Variants in SNX10 observed in about 807,000 individuals in gnomAD.
SNX10 encodes the protein sorting nexin-10.
A neutral mutation model predicts 28.5 loss-of-function variants in SNX10; 25 were observed. The ratio of observed to expected loss-of-function variants is 0.88; its 90% confidence interval spans 0.64 to 1.22. SNX10 has a LOEUF of 1.22. Among genes scored for constraint, SNX10 ranks in the 50% most tolerant of loss-of-function variants. The pLI is 0.00. For missense variants in SNX10, 223 were observed against 242.6 expected, an observed-to-expected ratio of 0.92 and a Z score of 0.54; for synonymous variants, 62 against 81.4, an observed-to-expected ratio of 0.76 and a Z score of 1.28.
chr7:26,306,860 A>C (rs1175099216), intron 1 of SNX10, among the ~76,000 whole-genome samples: 1 of 152,200 alleles, frequency 6.6e-6, no homozygotes, highest in Admixed American at 6.5e-5. Flanking sequence ...TTTGATCTTT[A>C]CAGTAGATCA....
chr7:26,341,593 C>G (rs946435438), intron 1 of SNX10, among the ~76,000 whole-genome samples: 1 of 151,646 alleles, frequency 6.6e-6, no homozygotes, highest in Non-Finnish European at 1.5e-5. Context: ...TTCCTGGGTT[C>G]AAGCAGTTCT....
intron 2 of SNX10, among the ~76,000 whole-genome samples, chr7:26,347,402 T>C (rs955127917): frequency 6.6e-6 from 1 of 152,212 alleles, no homozygotes; most frequent in Non-Finnish European, 1.5e-5. Context: ...TAGACGGGCA[T>C]GGTGGCCTGT....
intron 1 of SNX10, among the ~76,000 whole-genome samples, chr7:26,334,648 G>A (rs1244336819): frequency 6.6e-6 from 1 of 152,142 alleles, no homozygotes; most frequent in Non-Finnish European, 1.5e-5. Flanking sequence ...GTATGTCATA[G>A]AGATTAGCAA....
intron 1 of SNX10, among the ~76,000 whole-genome samples, chr7:26,332,680 G>A (rs1422736161): frequency 6.6e-6 from 1 of 151,970 alleles, no homozygotes; most frequent in African/African-American, 2.4e-5. Flanking sequence ...CTGTGTTTTC[G>A]TCTATGAGTT....
Position 26,292,619 on chromosome 7 carries a change from A to G in SNX10, c.-24+533A>G, listed in dbSNP as rs34579559. The stretch of plus-strand genomic sequence containing the variant: ...ATCAGATTTGGTGACCAGGAAAGCA[A>G]CAGCCTGTTTTTCAGTTCCGATGCA... On this transcript the variant is annotated intron_variant, in intron 1 of 6. Transcript: ENST00000338523. 5.7e-3 allele frequency among the ~76,000 whole-genome samples: 868 copies of G among 152,266 alleles called. 4 individuals carry two copies. The highest frequency in any genetic ancestry group is 8.8e-3 in the Non-Finnish European group (600 of 68,014).
chr7:26,329,175 G>A (rs1787626466), intron 1 of SNX10, among the ~76,000 whole-genome samples: 1 of 152,220 alleles, frequency 6.6e-6, no homozygotes, highest in Non-Finnish European at 1.5e-5. Flanking sequence ...CAGGCCCGGT[G>A]TGACCCGGCC....
intron 1 of SNX10, among the ~76,000 whole-genome samples, chr7:26,308,446 T>C (rs1375263547): frequency 6.6e-6 from 1 of 152,200 alleles, no homozygotes; most frequent in Non-Finnish European, 1.5e-5. Flanking sequence ...ATGTCCTTTT[T>C]GTCCAATCAT....
chr7:26,335,476 T>C (rs1459078143), intron 1 of SNX10, among the ~76,000 whole-genome samples: 1 of 152,212 alleles, frequency 6.6e-6, no homozygotes, highest in African/African-American at 2.4e-5. Context: ...GCCTGTGGAC[T>C]GACTTCTTTC....
chr7:26,314,262 CA>C (rs1263635246), intron 1 of SNX10, among the ~76,000 whole-genome samples: 1 of 109,686 alleles, frequency 9.1e-6, no homozygotes, highest in African/African-American at 3.2e-5. Context: ...GCCTACTGTT[CA>C]ATTTTTTTTT....
chr7:26,358,220 G>A (rs1330957007), intron 2 of SNX10, among the ~76,000 whole-genome samples: 2 of 152,104 alleles, frequency 1.3e-5, no homozygotes, highest in Admixed American at 6.5e-5. Context: ...ACACATACAC[G>A]GTGACAAGAG....
chr7:26,372,075 A>G (rs1789572284), intron 6 of SNX10, 42 bp downstream of exon 6: 1 of 1,297,952 alleles, frequency 7.7e-7, no homozygotes, highest in Non-Finnish European at 1.1e-6. Flanking sequence ...GTATTTATAT[A>G]ATACATAGTA....
At chr7:26,346,778 A>G (rs1488218950) in intron 2 of SNX10, among the ~76,000 whole-genome samples, 2 of 152,066 alleles carry the variant, frequency 1.3e-5, no homozygotes, top group South Asian at 4.1e-4. Context: ...TTTTTACTCC[A>G]TTGACTCATC....
At chr7:26,299,623 G>T (rs971196839) in intron 1 of SNX10, among the ~76,000 whole-genome samples, 3 of 151,258 alleles carry the variant, frequency 2.0e-5, no homozygotes, top group Non-Finnish European at 1.5e-5. Context: ...TAGAGACAGG[G>T]TTTCACCGTG....
At chr7:26,321,340 A>G (rs970829051) in intron 1 of SNX10, among the ~76,000 whole-genome samples, 12 of 152,248 alleles carry the variant, frequency 7.9e-5, no homozygotes, top group African/African-American at 2.9e-4. Flanking sequence ...CTCACAGAGA[A>G]CTCTAATATG....
chr7:26,350,774 A>G (rs1363146294), intron 2 of SNX10, among the ~76,000 whole-genome samples: 1 of 151,190 alleles, frequency 6.6e-6, no homozygotes, highest in African/African-American at 2.4e-5. Context: ...ATAAGAGGCA[A>G]TTTACAGTCT....
chr7:26,309,806 G>A (rs1786748934), intron 1 of SNX10, among the ~76,000 whole-genome samples: 1 of 152,124 alleles, frequency 6.6e-6, no homozygotes, highest in Non-Finnish European at 1.5e-5. Context: ...CTGGCTGCCT[G>A]GGCCGCGATC....
At chr7:26,298,297 A>T (rs1479029448) in intron 1 of SNX10, among the ~76,000 whole-genome samples, 1 of 152,268 alleles carries the variant, frequency 6.6e-6, no homozygotes, top group African/African-American at 2.4e-5. Context: ...TTAGAAATCA[A>T]TAGGAAAAAC....
intron 1 of SNX10, among the ~76,000 whole-genome samples, chr7:26,333,013 C>T (rs1787799671): frequency 2.6e-5 from 4 of 152,146 alleles, no homozygotes; most frequent in African/African-American, 4.8e-5. Flanking sequence ...TGGGAATCCT[C>T]CTGCTTTATT....
At chr7:26,304,495 A>G (rs532825736) in intron 1 of SNX10, among the ~76,000 whole-genome samples, 1 of 152,318 alleles carries the variant, frequency 6.6e-6, no homozygotes, top group South Asian at 2.1e-4. Context: ...CCATGTGTCC[A>G]TAGAAATGGC....
Sources: allele counts gnomAD v4.1 joint callset (sites outside exome capture counted in the v4.1 genomes callset), GRCh38; gene constraint gnomAD v4.1.1; transcripts MANE v1.5; gene names NCBI Gene and HGNC (gene_info 2026-07-23, HGNC 2026-07-21).